APBA2: variants seen among roughly 807,000 people sequenced by gnomAD.
APBA2 encodes the protein amyloid-beta A4 precursor protein-binding family A member 2.
A neutral mutation model predicts 75.0 loss-of-function variants in APBA2; 30 were observed. The observed-to-expected ratio is 0.40, with a 90% CI of 0.30 to 0.54. The LOEUF (loss-of-function observed/expected upper bound fraction) is 0.54, where lower values mean the gene tolerates loss of function less well. Among genes scored for constraint, APBA2 ranks in the 20% least tolerant of loss-of-function variants. The pLI is 0.49. For missense variants in APBA2, 801 were observed against 1,016.1 expected (o/e 0.79, Z 2.88); for synonymous variants, 444 against 409.6 (o/e 1.08, Z -1.01).
At chr15:29,034,522 G>A (rs973363665) in intron 3 of APBA2, among the ~76,000 whole-genome samples, 2 of 152,160 alleles carry the variant, frequency 1.3e-5, no homozygotes, top group Non-Finnish European at 1.5e-5. Flanking sequence ...GGTTCCTTTA[G>A]ATTTCAGGCC....
chr15:29,061,326 T>G (rs758849309), intron 4 of APBA2, among the ~76,000 whole-genome samples: 1 of 152,220 alleles, frequency 6.6e-6, no homozygotes, highest in Non-Finnish European at 1.5e-5. Context: ...CCTTGGAGAT[T>G]TCTGGAGCTG....
chr15:29,077,502 A>T (rs144949007), intron 6 of APBA2, among the ~76,000 whole-genome samples: 3 of 152,084 alleles, frequency 2.0e-5, no homozygotes. Flanking sequence ...AACCAATCTC[A>T]TATCTGCAGG....
chr15:28,915,650 A>G (rs2033657284), intron 1 of APBA2, among the ~76,000 whole-genome samples: 1 of 148,272 alleles, frequency 6.7e-6, no homozygotes, highest in Non-Finnish European at 1.5e-5. Flanking sequence ...ATACCACACA[A>G]TAGCATATAT....
In APBA2 at chr15:29,108,383, T is replaced by A; in HGVS notation, c.2031T>A (p.Asn677Lys). The part of the protein sequence containing the change: ...LKYQLGFSVQ[N>K]GIICSLMRGG... ...ACCAGCTGGGCTTCAGCGTGCAGAA[T>A]GGAATTGTGAGTTCCCCCTCCTGCT... The change falls in exon 13 of 15, where the codon AAT becomes AAA. Residue 677 changes from asparagine (N) to lysine (K), a missense_variant. By Grantham distance (94) the Asn-to-Lys change is moderately conservative. This residue lies in a region of APBA2 where 367 missense variants were observed against 544.5 expected (regional missense o/e 0.67). Transcript: ENST00000683413. 2 of 1,614,024 alleles carry A rather than the reference T, an allele frequency of 1.2e-6. No homozygotes were observed. Among genetic ancestry groups the A allele is most frequent in the East Asian group, 4.5e-5 (2 of 44,884 alleles).
Position 28,944,435 on chromosome 15 carries a change from G to A in APBA2, c.-95+22686G>A, listed in dbSNP as rs532830761. On this transcript the variant is annotated intron_variant, in intron 2 of 14. Transcript: ENST00000683413. ...TGGGTCTCCATCACCCGCCTCACTC[G>A]TTTTTCCTCTGCACATGGCATCTAC... is the stretch of plus-strand genomic sequence containing the variant. Among the ~76,000 whole-genome samples the A allele has an allele frequency of 2.3e-4, 35 of 152,282 alleles. 2 individuals carry two copies. Among genetic ancestry groups the A allele is most frequent in the African/African-American group, 7.9e-4 (33 of 41,564 alleles).
At chr15:28,950,813 C>T (rs2035826374) in intron 2 of APBA2, among the ~76,000 whole-genome samples, 1 of 152,072 alleles carries the variant, frequency 6.6e-6, no homozygotes, top group Non-Finnish European at 1.5e-5. Flanking sequence ...TCTATTCTCC[C>T]CCATTTATTT....
intron 6 of APBA2, among the ~76,000 whole-genome samples, chr15:29,087,072 C>G (rs887058811): frequency 7.2e-5 from 11 of 152,116 alleles, no homozygotes; most frequent in Non-Finnish European, 1.5e-4. Context: ...CACACTAAAC[C>G]CTGGCGGTGA....
intron 2 of APBA2, among the ~76,000 whole-genome samples, chr15:28,933,620 G>A (rs928168794): frequency 6.6e-6 from 1 of 152,256 alleles, no homozygotes; most frequent in Admixed American, 6.5e-5. Context: ...AGCCCACACT[G>A]GCTCGGATTT....
chr15:28,971,963 A>G (rs2037092503), intron 2 of APBA2, among the ~76,000 whole-genome samples: 1 of 152,236 alleles, frequency 6.6e-6, no homozygotes, highest in South Asian at 2.1e-4. Flanking sequence ...CACAAATGAA[A>G]TGTAAGTAAT....
chr15:28,943,762 G>C (rs2035373819), intron 2 of APBA2, among the ~76,000 whole-genome samples: 1 of 152,116 alleles, frequency 6.6e-6, no homozygotes, highest in Admixed American at 6.5e-5. Context: ...CTCCAGCCCT[G>C]GCTCCTCCAG....
intron 2 of APBA2, among the ~76,000 whole-genome samples, chr15:28,968,661 A>G (rs1222164287): frequency 6.6e-6 from 1 of 152,186 alleles, no homozygotes; most frequent in African/African-American, 2.4e-5. Context: ...GTCTCCCCAA[A>G]ATTCATTTGT....
chr15:29,114,936 CACGGCT>C (rs1220299664), intron 14 of APBA2, among the ~76,000 whole-genome samples: 1 of 149,558 alleles, frequency 6.7e-6, no homozygotes, highest in Non-Finnish European at 1.5e-5. Context: ...TGTATGTGTG[CACGGCT>C]GTGGCTGTGG....
intron 9 of APBA2, among the ~76,000 whole-genome samples, chr15:29,099,052 C>T (rs2043992813): frequency 6.6e-6 from 1 of 152,168 alleles, no homozygotes; most frequent in Non-Finnish European, 1.5e-5. Flanking sequence ...GTCCTGCACC[C>T]CCCTACCCTG....
intron 13 of APBA2, 123 bp downstream of exon 13, chr15:29,108,512 G>C (rs759454405): frequency 6.6e-7 from 1 of 1,503,872 alleles, no homozygotes. Context: ...TGTGGTTGCA[G>C]CTGCCCACAG....
At chr15:29,034,831 T>G (rs748934715) in intron 3 of APBA2, among the ~76,000 whole-genome samples, 2 of 152,202 alleles carry the variant, frequency 1.3e-5, no homozygotes, top group Non-Finnish European at 2.9e-5. Flanking sequence ...GTTTCTGTGT[T>G]TGTGGAGTTC....
At chr15:29,053,799 C>T in intron 3 of APBA2, 46 bp from the exon 4 acceptor site, 1 of 1,261,948 alleles carries the variant, frequency 7.9e-7, no homozygotes, top group Non-Finnish European at 1.1e-6. Flanking sequence ...CATGGCTGGG[C>T]TTTGTGGGGT....
At chr15:28,906,777 A>G (rs2033155119) in intron 1 of APBA2, among the ~76,000 whole-genome samples, 1 of 152,176 alleles carries the variant, frequency 6.6e-6, no homozygotes, top group Admixed American at 6.5e-5. Context: ...TGTGCTTAAT[A>G]CTAATTTGAA....
At chr15:28,911,869 A>G (rs986441821) in intron 1 of APBA2, among the ~76,000 whole-genome samples, 2 of 152,220 alleles carry the variant, frequency 1.3e-5, no homozygotes, top group Non-Finnish European at 2.9e-5. Context: ...TTCCAAGTAA[A>G]ATAATGAGGC....
intron 3 of APBA2, among the ~76,000 whole-genome samples, chr15:29,018,585 A>G (rs972124580): frequency 6.6e-6 from 1 of 152,106 alleles, no homozygotes; most frequent in African/African-American, 2.4e-5. Flanking sequence ...AGGAGGGGCC[A>G]CCTGGTGGCA....
Sources: allele counts gnomAD v4.1 joint callset (sites outside exome capture counted in the v4.1 genomes callset), GRCh38; gene constraint gnomAD v4.1.1; regional missense constraint gnomAD v4.1.1; transcripts MANE v1.5; gene names NCBI Gene and HGNC (gene_info 2026-07-23, HGNC 2026-07-21).